Variants in IQSEC1 observed in about 807,000 individuals in gnomAD.
IQSEC1 encodes IQ motif and Sec7 domain ArfGEF 1, also known as IQ motif and SEC7 domain-containing protein 1.
IQSEC1 carries 31 observed loss-of-function variants against 91.0 expected under a neutral mutation model. The observed-to-expected ratio is 0.34, with a 90% CI of 0.26 to 0.46. The LOEUF (loss-of-function observed/expected upper bound fraction) is 0.46. Ranked by LOEUF, IQSEC1 falls within the 20% of genes least tolerant of loss-of-function variation. The pLI, the probability that IQSEC1 is intolerant of heterozygous loss-of-function variation, is 1.00. For missense variants in IQSEC1, 1,388 were observed against 1,575.6 expected, an observed-to-expected ratio of 0.88 and a Z score of 2.02; for synonymous variants, 699 against 662.6, an observed-to-expected ratio of 1.05 and a Z score of -0.84.
chr3:13,072,971 A>C, intron 1 of IQSEC1, 21 bp downstream of exon 1: 1 of 1,549,664 alleles, frequency 6.5e-7, no homozygotes. Context: ...CTTCAGGCAG[A>C]AACCTGCCAC....
At position 13,185,640 on chromosome 3, in the gene IQSEC1, T is replaced by G. The variant is rs567409175; in HGVS notation, c.273-21507A>C. 1.2e-4 allele frequency among the ~76,000 whole-genome samples: 18 copies of G among 152,300 alleles called. No individual in the cohort carries two copies. The East Asian group carries it at 1.7e-3, about 15-fold the overall frequency. On this transcript the variant is annotated intron_variant, in intron 1 of 15. Transcript: ENST00000648114. ...GAGAGACAAACCCAAAGATAAAGGC[T>G]GGAACGTTGCTGTAGCTAGAAGGAC... is the stretch of plus-strand genomic sequence containing the variant.
At chr3:13,161,298 A>G (rs1454776791) in intron 2 of IQSEC1, among the ~76,000 whole-genome samples, 1 of 151,916 alleles carries the variant, frequency 6.6e-6, no homozygotes, top group African/African-American at 2.4e-5. Context: ...GGAGTGCGGG[A>G]GGAGAAGCGG....
At chr3:13,261,011 C>T (rs1282309436) in intron 1 of IQSEC1, among the ~76,000 whole-genome samples, 1 of 152,214 alleles carries the variant, frequency 6.6e-6, no homozygotes, top group South Asian at 2.1e-4. Context: ...CCCTGACCGA[C>T]GGCCTCAAGC....
intron 8 of IQSEC1, among the ~76,000 whole-genome samples, chr3:12,914,835 G>A (rs1022430284): frequency 9.2e-5 from 14 of 152,160 alleles, no homozygotes; most frequent in Middle Eastern, 3.4e-3. Context: ...AGGACACACC[G>A]GGGTCTGTTT....
intron 1 of IQSEC1, among the ~76,000 whole-genome samples, chr3:12,945,138 G>A (rs1576004998): frequency 6.6e-6 from 1 of 152,218 alleles, no homozygotes; most frequent in East Asian, 1.9e-4. Flanking sequence ...CTCAGAATGG[G>A]CAGGAGATGG....
intron 2 of IQSEC1, among the ~76,000 whole-genome samples, chr3:13,093,388 C>T (rs1705899816): frequency 6.6e-6 from 1 of 152,144 alleles, no homozygotes; most frequent in Admixed American, 6.5e-5. Flanking sequence ...CCAGCACCTT[C>T]AGTGATGCAG....
At chr3:13,018,103 G>C (rs975647195) in intron 1 of IQSEC1, among the ~76,000 whole-genome samples, 13 of 152,320 alleles carry the variant, frequency 8.5e-5, no homozygotes, top group African/African-American at 2.6e-4. Context: ...GTGGCAGCGA[G>C]CACCGCAGGA....
chr3:13,266,145 A>G (rs1211947563), intron 1 of IQSEC1, among the ~76,000 whole-genome samples: 1 of 152,116 alleles, frequency 6.6e-6, no homozygotes, highest in East Asian at 1.9e-4. Context: ...CATTTTCCAT[A>G]TGAGGAAACA....
At chr3:12,949,455 A>G (rs992089599) in intron 1 of IQSEC1, among the ~76,000 whole-genome samples, 17 of 152,262 alleles carry the variant, frequency 1.1e-4, no homozygotes, top group African/African-American at 4.1e-4. Flanking sequence ...GGCAGTCTGC[A>G]CAGGCCAGAG....
At chr3:13,124,790 T>C (rs1706484474) in intron 2 of IQSEC1, among the ~76,000 whole-genome samples, 1 of 152,134 alleles carries the variant, frequency 6.6e-6, no homozygotes. Context: ...CCCCAGACTG[T>C]CCTGGCTCAG....
At chr3:13,149,017 C>T (rs1057187988) in intron 2 of IQSEC1, among the ~76,000 whole-genome samples, 8 of 152,248 alleles carry the variant, frequency 5.3e-5, no homozygotes, top group Non-Finnish European at 1.2e-4. Context: ...AAGGCAGCAT[C>T]CCCTGTCATC....
chr3:12,959,614 C>G (rs1325826978), intron 1 of IQSEC1, among the ~76,000 whole-genome samples: 2 of 152,176 alleles, frequency 1.3e-5, no homozygotes, highest in Non-Finnish European at 2.9e-5. Context: ...GCCAACAGAG[C>G]TAAGGGCTGT....
At chr3:13,055,052 C>T (rs554962340) in intron 1 of IQSEC1, among the ~76,000 whole-genome samples, 6 of 152,352 alleles carry the variant, frequency 3.9e-5, no homozygotes, top group African/African-American at 7.2e-5. Context: ...GTCCACCCAC[C>T]GCCGGCCTTC....
At chr3:13,082,204 C>T (rs942658935) in intron 2 of IQSEC1, among the ~76,000 whole-genome samples, 1 of 152,216 alleles carries the variant, frequency 6.6e-6, no homozygotes, top group African/African-American at 2.4e-5. Context: ...AGGGAATCAA[C>T]GTGTCGGTCG....
At chr3:13,069,200 C>T (rs953035666) in intron 1 of IQSEC1, among the ~76,000 whole-genome samples, 18 of 152,094 alleles carry the variant, frequency 1.2e-4, no homozygotes, top group African/African-American at 4.1e-4. Flanking sequence ...GAAAGGCTAC[C>T]GGTCATCACA....
intron 2 of IQSEC1, 28 bp from the exon 3 acceptor site, chr3:12,936,725 A>G: frequency 6.5e-7 from 1 of 1,536,476 alleles, no homozygotes; most frequent in Non-Finnish European, 8.8e-7. Flanking sequence ...GAATGAGAAC[A>G]GCACTGCATG....
At chr3:12,919,394 G>A (rs1696403784) in intron 6 of IQSEC1, among the ~76,000 whole-genome samples, 1 of 152,218 alleles carries the variant, frequency 6.6e-6, no homozygotes, top group African/African-American at 2.4e-5. Flanking sequence ...AGGTCTTGGA[G>A]CCTAGCTCAG....
At chr3:12,902,707 A>C (rs977087341) in intron 13 of IQSEC1, 66 bp downstream of exon 13, 4 of 859,772 alleles carry the variant, frequency 4.7e-6, no homozygotes, top group Non-Finnish European at 8.0e-6. Flanking sequence ...AGGACAACAG[A>C]TATGAACTGA....
Position 12,920,441 on chromosome 3 carries a change from T to C in IQSEC1, c.2009A>G (p.Lys670Arg), listed in dbSNP as rs368596372. The change falls in exon 6 of 14, where the codon AAG (lysine) becomes AGG (arginine). Residue 670 changes from lysine to arginine, a missense_variant. Physicochemically the swap from Lys to Arg is conservative, Grantham distance 26 (BLOSUM62 2). Around this residue, in one of 2 missense-constraint regions of IQSEC1, gnomAD observed 1,059 missense variants for 1,317.8 expected, o/e 0.80. Coordinates refer to ENST00000613206, the MANE Select transcript of IQSEC1 (RefSeq NM_001134382.3). Reference sequence around the variant, plus strand: ...CTGAGACAGCTCACCTCGGAGGTTCTTGATGAAGTCCTCTAGCTTCATTTT... The same window carrying C: ...CTGAGACAGCTCACCTCGGAGGTTCCTGATGAAGTCCTCTAGCTTCATTTT... Reference protein sequence around the residue: ...ERKMKLEDFIKNLRGVDDGED... With the variant: ...ERKMKLEDFIRNLRGVDDGED... 1.5e-5 allele frequency: 25 copies of C among 1,613,960 alleles called. No homozygotes were observed. In the Middle Eastern group the frequency reaches 4.9e-4, roughly 32 times the overall value.
Sources: allele counts gnomAD v4.1 joint callset (sites outside exome capture counted in the v4.1 genomes callset), GRCh38; gene constraint gnomAD v4.1.1; regional missense constraint gnomAD v4.1.1; transcripts MANE v1.5; gene names NCBI Gene and HGNC (gene_info 2026-07-23, HGNC 2026-07-21).